APBA2: variants seen among roughly 807,000 people sequenced by gnomAD.
The protein encoded by APBA2 is amyloid beta precursor protein binding family A member 2, also known as amyloid-beta A4 precursor protein-binding family A member 2.
APBA2 carries 30 observed loss-of-function variants against 75.0 expected under a neutral mutation model. The observed-to-expected ratio is 0.40, with a 90% confidence interval of 0.30 to 0.54. The LOEUF (loss-of-function observed/expected upper bound fraction) is 0.54. Ranked by LOEUF, APBA2 falls within the 20% of genes least tolerant of loss-of-function variation. APBA2 has a pLI of 0.49. For missense variants in APBA2, 801 were observed against 1,016.1 expected, an observed-to-expected ratio of 0.79 and a Z score of 2.88; for synonymous variants, 444 against 409.6, an observed-to-expected ratio of 1.08 and a Z score of -1.01.
chr15:28,960,979 G>A (rs553650126), intron 2 of APBA2, among the ~76,000 whole-genome samples: 3 of 151,702 alleles, frequency 2.0e-5, no homozygotes, highest in South Asian at 4.2e-4. Flanking sequence ...GGCTGGTCTC[G>A]AACTCCCGAC....
intron 3 of APBA2, among the ~76,000 whole-genome samples, chr15:28,998,800 A>G (rs1469498643): frequency 1.3e-5 from 2 of 152,212 alleles, no homozygotes; most frequent in Non-Finnish European, 2.9e-5. Flanking sequence ...AAAAGAGAAA[A>G]GATAAAGTGA....
chr15:29,034,457 T>C (rs1479709193), intron 3 of APBA2, among the ~76,000 whole-genome samples: 2 of 152,236 alleles, frequency 1.3e-5, no homozygotes, highest in African/African-American at 4.8e-5. Context: ...CCAAGTTCTT[T>C]ATTACACACC....
intron 1 of APBA2, among the ~76,000 whole-genome samples, chr15:28,901,783 C>T (rs963649727): frequency 2.6e-5 from 4 of 152,080 alleles, no homozygotes; most frequent in African/African-American, 4.8e-5. Flanking sequence ...GGCCACCCTG[C>T]GGGGTTAGGG....
chr15:28,938,587 C>A (rs1056891226), intron 2 of APBA2, among the ~76,000 whole-genome samples: 1 of 152,166 alleles, frequency 6.6e-6, no homozygotes, highest in African/African-American at 2.4e-5. Context: ...TGGCTCACTG[C>A]ACCCTCCACC....
chr15:29,089,992 G>A (rs1156303274), intron 6 of APBA2, among the ~76,000 whole-genome samples: 1 of 152,158 alleles, frequency 6.6e-6, no homozygotes. Flanking sequence ...TTTGGGTTCT[G>A]CGTTTCCTGC....
At chr15:28,945,799 C>T (rs557144047) in intron 2 of APBA2, among the ~76,000 whole-genome samples, 33 of 152,160 alleles carry the variant, frequency 2.2e-4, no homozygotes, top group African/African-American at 5.3e-4. Context: ...CAGGCGGTGC[C>T]GCTCCTTACA....
At chr15:28,951,860 C>G (rs1222548514) in intron 2 of APBA2, among the ~76,000 whole-genome samples, 1 of 4,216 alleles carries the variant, frequency 2.4e-4, no homozygotes, top group African/African-American at 6.0e-4. Flanking sequence ...GGATTACAGG[C>G]GTGAGCCCAC....
At position 28,899,726 on chromosome 15, in the gene APBA2, C is replaced by T. The variant is rs372747209; in HGVS notation, c.-205+13448C>T. On this transcript the variant is annotated intron_variant, in intron 1 of 14. Coordinates refer to ENST00000683413, the MANE Select transcript of APBA2 (RefSeq NM_001353788.2). Reference sequence around the variant, plus strand: ...AAGCGTGCTATCTGCGGGCTGTTTCCGATTCACAGGGCAAAGGGTGTAGAT... The same window carrying T: ...AAGCGTGCTATCTGCGGGCTGTTTCTGATTCACAGGGCAAAGGGTGTAGAT... 1.2e-4 allele frequency among the ~76,000 whole-genome samples: 18 copies of T among 152,248 alleles called. No individual in the cohort carries two copies. The South Asian group carries it at 2.7e-3, about 23-fold the overall frequency.
At chr15:29,008,104 G>T (rs57658563) in intron 3 of APBA2, among the ~76,000 whole-genome samples, 6,898 of 152,280 alleles carry the variant, frequency 0.045, 188 homozygotes, top group South Asian at 0.088. Flanking sequence ...GAACCTTGAG[G>T]TCATTATGCT....
Position 29,054,043 on chromosome 15 carries a change from A to G in APBA2, c.159A>G (p.Pro53=). 6.2e-7 allele frequency: 1 copy of G among 1,613,838 alleles called. No homozygotes were observed. The highest frequency in any genetic ancestry group is 8.5e-7 in the Non-Finnish European group (1 of 1,180,002). The part of the protein sequence containing the change: ...PEGLELAALR[P]ESPAPEEQEC... ...GCCTGGAGCTGGCTGCCCTGCGGCCAGAGAGCCCCGCGCCAGAGGAACAGG... is the reference window on the plus strand; with the variant it reads ...GCCTGGAGCTGGCTGCCCTGCGGCCGGAGAGCCCCGCGCCAGAGGAACAGG... Residue 53 remains proline (P), a synonymous_variant, in exon 4 of 15, where the codon CCA becomes CCG. Transcript: ENST00000683413. The surrounding 1 kb of genome is among the most constrained non-coding windows in gnomAD (Gnocchi z 6.1).
At chr15:29,041,819 A>G (rs1320262140) in intron 3 of APBA2, among the ~76,000 whole-genome samples, 1 of 152,216 alleles carries the variant, frequency 6.6e-6, no homozygotes, top group Admixed American at 6.5e-5. Flanking sequence ...CAATGGTTAG[A>G]TCCCTGGTGA....
intron 2 of APBA2, among the ~76,000 whole-genome samples, chr15:28,956,286 G>A (rs8035791): frequency 0.14 from 20,833 of 151,932 alleles, 3,439 homozygotes; most frequent in African/African-American, 0.39. Context: ...TACAAAGCAC[G>A]AGTGCCATGG....
At chr15:28,956,447 G>T (rs1397033194) in intron 2 of APBA2, among the ~76,000 whole-genome samples, 1 of 152,170 alleles carries the variant, frequency 6.6e-6, no homozygotes, top group African/African-American at 2.4e-5. Flanking sequence ...GCAGGCGACA[G>T]CCGGGTTTTG....
Position 29,045,158 on chromosome 15 carries a change from A to G in APBA2, c.-40-8687A>G, listed in dbSNP as rs556061644. ...AATGGCGTGATCTCGGCTCACTGCA[A>G]CCTCCGCCTCCCAGGTTCGAGTGAT... On this transcript the variant is annotated intron_variant, in intron 3 of 14. Transcript: ENST00000683413. 9.8e-5 allele frequency among the ~76,000 whole-genome samples: 14 copies of G among 142,176 alleles called. No individual in the cohort carries two copies. In the South Asian group the frequency reaches 3.0e-3, roughly 30 times the overall value. The allele number at this position is 142,176 out of a possible 152,430, so 93.3% of individuals were successfully genotyped here.
intron 9 of APBA2, among the ~76,000 whole-genome samples, chr15:29,099,813 T>C (rs1325164873): frequency 1.3e-5 from 2 of 152,200 alleles, no homozygotes; most frequent in Non-Finnish European, 2.9e-5. Flanking sequence ...CCTCATGAGC[T>C]GTATAGCCTT....
chr15:28,889,007 G>C (rs1377289589), intron 1 of APBA2, among the ~76,000 whole-genome samples: 1 of 152,120 alleles, frequency 6.6e-6, no homozygotes, highest in Non-Finnish European at 1.5e-5. Context: ...CAGCCTGTGT[G>C]CCCAGCGGGG....
intron 2 of APBA2, among the ~76,000 whole-genome samples, chr15:28,936,167 G>C (rs1289122018): frequency 6.6e-6 from 1 of 152,190 alleles, no homozygotes; most frequent in East Asian, 1.9e-4. Context: ...TGTGGAAGAC[G>C]TGATGGTTTT....
chr15:28,974,072 G>A (rs1555384773), intron 2 of APBA2, among the ~76,000 whole-genome samples: 1 of 152,118 alleles, frequency 6.6e-6, no homozygotes, highest in Non-Finnish European at 1.5e-5. Context: ...TCACATAGTG[G>A]CACCCAACTC....
At chr15:28,922,221 TG>T (rs2034008002) in intron 2 of APBA2, among the ~76,000 whole-genome samples, 1 of 152,088 alleles carries the variant, frequency 6.6e-6, no homozygotes, top group African/African-American at 2.4e-5. Flanking sequence ...TGGCAGAAAG[TG>T]GGCAGGTTCT....
Sources: allele counts gnomAD v4.1 joint callset (sites outside exome capture counted in the v4.1 genomes callset), GRCh38; gene constraint gnomAD v4.1.1; non-coding constraint Gnocchi (gnomAD v3.1); transcripts MANE v1.5; gene names NCBI Gene and HGNC (gene_info 2026-07-23, HGNC 2026-07-21).